The following SLC49A4 variants were observed in gnomAD, a reference collection of about 807,000 sequenced individuals.
SLC49A4 encodes solute carrier family 49 member 4.
A neutral mutation model predicts 50.6 loss-of-function variants in SLC49A4; 36 were observed. The observed-to-expected ratio is 0.71, with a 90% CI of 0.55 to 0.94. The LOEUF is 0.94. SLC49A4 is among the 40% of genes least tolerant of loss of function. The probability of loss-of-function intolerance (pLI) is 0.00; values close to 1 mark genes in which losing one functional copy is unlikely to be tolerated. For missense variants in SLC49A4, 503 were observed against 605.7 expected, an observed-to-expected ratio of 0.83 and a Z score of 1.78; for synonymous variants, 248 against 241.2, an observed-to-expected ratio of 1.03 and a Z score of -0.26.
At chr3:122,872,359 C>A in intron 7 of SLC49A4, 56 bp from the exon 8 acceptor site, 1 of 1,423,294 alleles carries the variant, frequency 7.0e-7, no homozygotes, top group Non-Finnish European at 9.7e-7. Context: ...GAAGATCTAT[C>A]TGATATGACT....
At position 122,846,104 on chromosome 3, in the gene SLC49A4, G is replaced by C. The variant is rs531022338; in HGVS notation, c.942+233G>C. ...TGTGGGCATTATTAATGATACTACTGGTTTTTTAAAAAAGGAAGGAAGTCT... is the reference window on the plus strand; with the variant it reads ...TGTGGGCATTATTAATGATACTACTCGTTTTTTAAAAAAGGAAGGAAGTCT... On this transcript the variant is annotated intron_variant, in intron 5 of 8. Coordinates refer to ENST00000261038, the MANE Select transcript of SLC49A4 (RefSeq NM_032839.3). 1.2e-3 allele frequency among the ~76,000 whole-genome samples: 190 copies of C among 152,008 alleles called. 2 individuals are homozygous for C. The highest frequency in any genetic ancestry group is 4.3e-3 in the African/African-American group (178 of 41,480).
intron 6 of SLC49A4, among the ~76,000 whole-genome samples, chr3:122,856,874 G>C (rs948304551): frequency 6.6e-6 from 1 of 151,256 alleles, no homozygotes; most frequent in Non-Finnish European, 1.5e-5. Flanking sequence ...CTATAAGAAA[G>C]TTTCTCTGGA....
At chr3:122,855,782 C>G (rs1427080443) in intron 5 of SLC49A4, among the ~76,000 whole-genome samples, 1 of 152,116 alleles carries the variant, frequency 6.6e-6, no homozygotes, top group Non-Finnish European at 1.5e-5. Flanking sequence ...GCATAATTTG[C>G]TCAGAGTCAC....
At chr3:122,823,620 T>G (rs1560205830) in intron 2 of SLC49A4, among the ~76,000 whole-genome samples, 3 of 152,262 alleles carry the variant, frequency 2.0e-5, no homozygotes. Context: ...AATAAATGCA[T>G]AGTTACCATT....
At chr3:122,871,514 A>G (rs547114630) in intron 7 of SLC49A4, among the ~76,000 whole-genome samples, 1 of 152,214 alleles carries the variant, frequency 6.6e-6, no homozygotes, top group African/African-American at 2.4e-5. Flanking sequence ...TATTTTTATT[A>G]AAAATATTTT....
intron 5 of SLC49A4, among the ~76,000 whole-genome samples, chr3:122,847,114 C>T (rs1196426834): frequency 6.6e-6 from 1 of 152,122 alleles, no homozygotes; most frequent in Non-Finnish European, 1.5e-5. Context: ...AATCAAGGAC[C>T]ATGCCCTAGG....
chr3:122,815,096 CTT>C, intron 2 of SLC49A4, among the ~76,000 whole-genome samples: 1 of 144,486 alleles, frequency 6.9e-6, no homozygotes. Context: ...ACTGCATCTT[CTT>C]TTTTTTTTTT....
At chr3:122,803,072 A>G (rs752177657) in intron 1 of SLC49A4, among the ~76,000 whole-genome samples, 10 of 152,196 alleles carry the variant, frequency 6.6e-5, no homozygotes, top group Non-Finnish European at 1.3e-4. Context: ...AATGACTTCT[A>G]TAAACCCACA....
intron 3 of SLC49A4, 33 bp downstream of exon 3, chr3:122,827,098 T>A (rs1936542144): frequency 6.3e-7 from 1 of 1,584,974 alleles, no homozygotes; most frequent in Admixed American, 1.7e-5. Context: ...CTTGTTATAC[T>A]TTGTCTTTTA....
intron 3 of SLC49A4, among the ~76,000 whole-genome samples, chr3:122,830,833 T>C (rs1936598197): frequency 6.6e-6 from 1 of 151,814 alleles, no homozygotes; most frequent in Non-Finnish European, 1.5e-5. Context: ...ACCCAGAGAG[T>C]GAAAAAGACA....
chr3:122,806,882 A>T lies in SLC49A4; in HGVS notation c.369A>T (p.Thr123=). 2 of 1,609,976 alleles carry T rather than the reference A, an allele frequency of 1.2e-6. No individual in the cohort carries two copies. The highest frequency in any genetic ancestry group is 1.7e-4 in the Middle Eastern group (1 of 6,054). Residue 123 remains threonine (T), a synonymous_variant, in exon 2 of 9, where the codon ACA becomes ACT. Transcript: ENST00000261038. The part of the protein sequence containing the change: ...KRGLRITVLL[T]SFLMVLGTGL... ...GTCTCCGGATAACTGTGCTCCTGAC[A>T]TCCTTCCTTATGGTTTTGGGAACTG...
Position 122,818,800 on chromosome 3 carries a change from C to T in SLC49A4, c.438-8000C>T, listed in dbSNP as rs142192660. ...CTCTACTAAAAATATAAAAATTAGCCGGGCGTGGTGGGGTGTGCCTGTAGT... is the reference window on the plus strand; with the variant it reads ...CTCTACTAAAAATATAAAAATTAGCTGGGCGTGGTGGGGTGTGCCTGTAGT... On this transcript the variant is annotated intron_variant, in intron 2 of 8. Coordinates refer to ENST00000261038, the MANE Select transcript of SLC49A4 (RefSeq NM_032839.3). Among the ~76,000 whole-genome samples the T allele has an allele frequency of 1.2e-3, 175 of 151,840 alleles. 2 individuals carry two copies. In the East Asian group the frequency reaches 0.028, roughly 24 times the overall value.
At chr3:122,832,356 A>G (rs1936618921) in intron 3 of SLC49A4, among the ~76,000 whole-genome samples, 1 of 152,236 alleles carries the variant, frequency 6.6e-6, no homozygotes, top group Non-Finnish European at 1.5e-5. Flanking sequence ...TTGGGATGCT[A>G]GAACCTTCCC....
In SLC49A4 at chr3:122,880,928, C is replaced by T. The variant is rs1022129270; in HGVS notation, c.*1550C>T. The stretch of plus-strand genomic sequence containing the variant: ...GTACTGCTTGGCAACTTCTAAGACC[C>T]TAACTTGTGAAACTAGGGAAGTAAG... On this transcript the variant is annotated 3_prime_UTR_variant, in exon 9 of 9. Transcript: ENST00000261038. The T allele has an allele frequency of 6.6e-6, 1 of 152,166 alleles. No homozygotes were observed. The highest frequency in any genetic ancestry group is 1.5e-5 in the Non-Finnish European group (1 of 68,060). The allele number at this position is 152,166 out of a possible 1,614,324, so 9.4% of individuals were successfully genotyped here.
intron 1 of SLC49A4, among the ~76,000 whole-genome samples, chr3:122,796,786 G>A (rs796662435): frequency 3.9e-5 from 6 of 152,328 alleles, no homozygotes; most frequent in African/African-American, 1.2e-4. Context: ...GGGAGGCTGG[G>A]GTGGGAGGAT....
intron 1 of SLC49A4, among the ~76,000 whole-genome samples, chr3:122,799,741 T>C (rs1027728972): frequency 1.3e-5 from 2 of 152,124 alleles, no homozygotes; most frequent in Non-Finnish European, 2.9e-5. Context: ...ACTAAGGTGA[T>C]AGTAGTGGAG....
At chr3:122,797,959 T>TTTTGA (rs1936071420) in intron 1 of SLC49A4, among the ~76,000 whole-genome samples, 3 of 152,200 alleles carry the variant, frequency 2.0e-5, no homozygotes, top group African/African-American at 7.2e-5. Context: ...CCAGCCTCAG[T>TTTTGA]GACAGAATGA....
At chr3:122,811,875 A>T (rs17279144) in intron 2 of SLC49A4, among the ~76,000 whole-genome samples, 7,669 of 152,320 alleles carry the variant, frequency 0.05, 265 homozygotes, top group Middle Eastern at 0.11. Flanking sequence ...TGGGAAGAGC[A>T]TCTGAGGAAT....
At chr3:122,869,536 G>GTATTTTGTAT (rs1363899376) in intron 7 of SLC49A4, among the ~76,000 whole-genome samples, 124 of 152,270 alleles carry the variant, frequency 8.1e-4, no homozygotes, top group Middle Eastern at 6.8e-3. Context: ...TTGGATAAGT[G>GTATTTTGTAT]TTCTTTGTAT....
Sources: gnomAD v4.1 joint callset for allele counts (sites outside exome capture counted in the v4.1 genomes callset) on GRCh38, gnomAD v4.1.1 for gene constraint, MANE v1.5 for transcripts, NCBI Gene and HGNC (gene_info 2026-07-23, HGNC 2026-07-21) for gene names.